Variants in NFASC observed in about 807,000 individuals in gnomAD.
NFASC encodes the protein neurofascin homolog.
A neutral mutation model predicts 147.5 loss-of-function variants in NFASC; 43 were observed. The ratio of observed to expected loss-of-function variants is 0.29; its 90% CI spans 0.23 to 0.38. NFASC has a LOEUF of 0.38. Among genes scored for constraint, NFASC ranks in the 10% least tolerant of loss-of-function variants. NFASC has a pLI of 1.00. For synonymous variants in NFASC, 622 were observed against 665.5 expected, an observed-to-expected ratio of 0.93 and a Z score of 1.01; for missense variants, 1,320 against 1,689.0, an observed-to-expected ratio of 0.78 and a Z score of 3.83.
chr1:204,895,551 A>G (rs1013327046), intron 1 of NFASC, among the ~76,000 whole-genome samples: 3 of 152,212 alleles, frequency 2.0e-5, no homozygotes, highest in Non-Finnish European at 4.4e-5. Context: ...ATGACCATGT[A>G]TGTGGCTGGA....
At chr1:204,941,560 T>C (rs2802830) in intron 2 of NFASC, among the ~76,000 whole-genome samples, 33,095 of 152,162 alleles carry the variant, frequency 0.22, 5,896 homozygotes, top group African/African-American at 0.49. Flanking sequence ...GAGCCATCCC[T>C]GCTGCCCCTG....
rs758273738 is a variant in NFASC, at chr1:205,009,728, C to T, written c.3421+40C>T. 7.1e-5 allele frequency: 114 copies of T among 1,597,992 alleles called. No individual in the cohort carries two copies. The South Asian group carries it at 1.1e-3, about 16-fold the overall frequency. On this transcript the variant is annotated intron_variant, in intron 28 of 29. Coordinates refer to ENST00000339876, the MANE Select transcript of NFASC (RefSeq NM_001005388.3). ...AGGCGTGGGCTTGCAGGGTGGGGCA[C>T]GTCCACTTTCCCGTGAGTCTCCAGG...
chr1:204,981,969 T>C lies in NFASC; in HGVS notation c.2419T>C (p.Phe807Leu). ...YEIRVQAENDFGKGPEPESVI... is the reference protein window; with the variant it reads ...YEIRVQAENDLGKGPEPESVI... The stretch of plus-strand genomic sequence containing the variant: ...GATCCGAGTCCAGGCTGAAAATGAC[T>C]TCGGGAAGGGCCCTGAGCCAGAGTC... Residue 807 changes from phenylalanine (F) to leucine (L), a missense_variant, in exon 21 of 30, where the codon TTC (phenylalanine) becomes CTC (leucine). Phe to Leu is a conservative substitution (Grantham distance 22). Coordinates refer to ENST00000339876, the MANE Select transcript of NFASC (RefSeq NM_001005388.3). The C allele has an allele frequency of 6.2e-7, 1 of 1,606,918 alleles. No individual in the cohort carries two copies. The highest frequency in any genetic ancestry group is 1.7e-5 in the Admixed American group (1 of 58,868).
At chr1:204,935,213 G>A (rs1471704491) in intron 2 of NFASC, among the ~76,000 whole-genome samples, 2 of 152,202 alleles carry the variant, frequency 1.3e-5, no homozygotes, top group Non-Finnish European at 2.9e-5. Flanking sequence ...GAGAAAGAAG[G>A]AGAGCAGTAA....
At chr1:204,832,861 A>C (rs1011065045) in intron 1 of NFASC, among the ~76,000 whole-genome samples, 2 of 152,260 alleles carry the variant, frequency 1.3e-5, no homozygotes, top group African/African-American at 4.8e-5. Flanking sequence ...TGATTGCACC[A>C]AACTGTCTGG....
At chr1:204,947,362 A>G (rs1456500242) in intron 3 of NFASC, among the ~76,000 whole-genome samples, 1 of 152,174 alleles carries the variant, frequency 6.6e-6, no homozygotes, top group Non-Finnish European at 1.5e-5. Context: ...CCCTCCATCC[A>G]GCCCTGGGCT....
chr1:204,975,608 G>T lies in NFASC; in HGVS notation c.1706+190G>T, dbSNP rs2095383651. Among the ~76,000 whole-genome samples the T allele has an allele frequency of 6.6e-6, 1 of 151,960 alleles. No homozygotes were observed. Among genetic ancestry groups the T allele is most frequent in the Non-Finnish European group, 1.5e-5 (1 of 67,958 alleles). On this transcript the variant is annotated intron_variant, in intron 15 of 29. Transcript: ENST00000339876. The surrounding 1 kb of genome is among the most constrained non-coding windows in gnomAD (Gnocchi z 4.0). ...CAGGGGAGACCCCCCCACCGACCCT[G>T]TACAACCTCCCTCTCTCCCACCAGC...
At chr1:204,881,896 C>T (rs577349724) in intron 1 of NFASC, among the ~76,000 whole-genome samples, 1 of 152,130 alleles carries the variant, frequency 6.6e-6, no homozygotes, top group African/African-American at 2.4e-5. Flanking sequence ...GACTAGGTTC[C>T]TCATCCTCCA....
chr1:204,864,078 G>A (rs1232149298), intron 1 of NFASC, among the ~76,000 whole-genome samples: 1 of 152,070 alleles, frequency 6.6e-6, no homozygotes, highest in Non-Finnish European at 1.5e-5. Flanking sequence ...CTGTCTCTAC[G>A]AATTTGTCCA....
intron 1 of NFASC, among the ~76,000 whole-genome samples, chr1:204,868,013 C>T (rs528839112): frequency 6.6e-6 from 1 of 152,382 alleles, no homozygotes; most frequent in South Asian, 2.1e-4. Flanking sequence ...GACAGGGTTA[C>T]CCAGCTTCTG....
intron 23 of NFASC, chr1:204,989,475 G>A (rs1277658900): frequency 2.0e-5 from 3 of 152,752 alleles, no homozygotes; most frequent in African/African-American, 7.2e-5. Flanking sequence ...GCACCTGCCT[G>A]AGGACTCCAC....
chr1:204,957,601 G>C (rs938524147), intron 7 of NFASC, 55 bp from the exon 8 acceptor site: 5 of 1,556,426 alleles, frequency 3.2e-6, no homozygotes, highest in Non-Finnish European at 4.4e-6. Context: ...GACTGCGGTG[G>C]TGATGATTAC....
At chr1:205,009,920 G>A (rs2096219861) in intron 28 of NFASC, 2 of 555,800 alleles carry the variant, frequency 3.6e-6, no homozygotes, top group African/African-American at 1.9e-5. Context: ...CTCAGAGAGG[G>A]GATGGAAGGA....
chr1:204,916,573 C>G (rs569096380), intron 1 of NFASC, among the ~76,000 whole-genome samples: 1 of 152,076 alleles, frequency 6.6e-6, no homozygotes, highest in Admixed American at 6.5e-5. Context: ...CATTGCTGTC[C>G]CCTGACACTC....
intron 24 of NFASC, 117 bp downstream of exon 24, chr1:204,991,423 C>A: frequency 9.1e-7 from 1 of 1,095,556 alleles, no homozygotes; most frequent in Non-Finnish European, 1.4e-6. Context: ...TCCAGACTCA[C>A]CCTTTCAGTG....
intron 2 of NFASC, among the ~76,000 whole-genome samples, chr1:204,924,869 TG>T (rs2091204131): frequency 6.6e-6 from 1 of 152,146 alleles, no homozygotes; most frequent in Non-Finnish European, 1.5e-5. Context: ...TCGTTTATTT[TG>T]TTTGCTTTGT....
intron 1 of NFASC, among the ~76,000 whole-genome samples, chr1:204,882,991 C>G (rs1208117268): frequency 6.6e-6 from 1 of 151,808 alleles, no homozygotes; most frequent in Non-Finnish European, 1.5e-5. Flanking sequence ...TTTGGGAAAA[C>G]CCGTGTATAG....
chr1:204,940,438 G>A (rs1234399585), intron 2 of NFASC, among the ~76,000 whole-genome samples: 1 of 152,194 alleles, frequency 6.6e-6, no homozygotes, highest in East Asian at 1.9e-4. Context: ...GGGCAACAGA[G>A]TGAGATTCTG....
chr1:204,988,782 G>T lies in NFASC; in HGVS notation c.2743G>T (p.Glu915Ter). 6.2e-7 allele frequency: 1 copy of T among 1,614,060 alleles called. No individual in the cohort carries two copies. The highest frequency in any genetic ancestry group is 8.5e-7 in the Non-Finnish European group (1 of 1,180,012). Reference sequence around the variant, plus strand: ...GGGCTCTGGGGAAGCCGTCACAGAGGAGTCACCAGCACCCCCGAATGAAGG... The same window carrying T: ...GGGCTCTGGGGAAGCCGTCACAGAGTAGTCACCAGCACCCCCGAATGAAGG... ...QVGSGEAVTE[E>*]SPAPPNEATP... Residue 915 changes from glutamate (E) to a stop codon, truncating the protein, a stop_gained, in exon 23 of 30, where the codon GAG becomes TAG. Coordinates refer to ENST00000339876, the MANE Select transcript of NFASC (RefSeq NM_001005388.3). LOFTEE classifies it high-confidence loss of function.
Sources: gnomAD v4.1 joint callset for allele counts (sites outside exome capture counted in the v4.1 genomes callset) on GRCh38, gnomAD v4.1.1 for gene constraint, Gnocchi (gnomAD v3.1) non-coding constraint, MANE v1.5 for transcripts, NCBI Gene and HGNC (gene_info 2026-07-23, HGNC 2026-07-21) for gene names.